Variants in PPM1J observed in about 807,000 individuals in gnomAD.
PPM1J encodes protein phosphatase, Mg2+/Mn2+ dependent 1J.
A neutral mutation model predicts 53.3 loss-of-function variants in PPM1J; 43 were observed. That is an observed-to-expected ratio of 0.81 (90% CI 0.63 to 1.04). PPM1J has a LOEUF of 1.04. Ranked by LOEUF, PPM1J falls within the 50% of genes least tolerant of loss-of-function variation. PPM1J has a pLI of 0.00. For missense variants in PPM1J, 635 were observed against 685.9 expected, an observed-to-expected ratio of 0.93 and a Z score of 0.83; for synonymous variants, 267 against 286.4, an observed-to-expected ratio of 0.93 and a Z score of 0.68.
chr1:112,713,003 A>C lies in PPM1J; in HGVS notation c.470T>G (p.Phe157Cys). 4 of 1,609,374 alleles carry C rather than the reference A, an allele frequency of 2.5e-6. No individual in the cohort carries two copies. The highest frequency in any genetic ancestry group is 3.4e-6 in the Non-Finnish European group (4 of 1,177,300). The change falls in exon 3 of 10, where the codon TTT (phenylalanine) becomes TGT (cysteine). Residue 157 changes from phenylalanine (F) to cysteine (C), a missense_variant. Coordinates refer to ENST00000309276, the MANE Select transcript of PPM1J (RefSeq NM_005167.7). ...QGLCFYYWGL[F>C]DGHAGGGAAE... is the part of the protein sequence containing the mutation. Reference sequence around the variant, plus strand: ...AGCTCCGCCCCCTGCATGCCCATCAAATAGGCCCCAGTAGTAGAAGCAGAG... The same window carrying C: ...AGCTCCGCCCCCTGCATGCCCATCACATAGGCCCCAGTAGTAGAAGCAGAG...
At chr1:112,710,366 A>T in intron 9 of PPM1J, 56 bp from the exon 10 acceptor site, 1 of 1,611,314 alleles carries the variant, frequency 6.2e-7, no homozygotes. Context: ...GAAGACAGAT[A>T]CACAGGCCCA....
chr1:112,711,895 G>A lies in PPM1J; in HGVS notation c.927+76C>T, dbSNP rs930545873. On this transcript the variant is annotated intron_variant, in intron 5 of 9. Transcript: ENST00000309276. ...CTGTGCCTGTGGTGGGGGTGTGAGA[G>A]TTCTCAGGGCCATGGGGTGCAGGGA... 14 of 1,042,704 alleles carry A rather than the reference G, an allele frequency of 1.3e-5. No individual in the cohort carries two copies. In the South Asian group the frequency reaches 1.5e-4, roughly 11 times the overall value. The allele number at this position is 1,042,704 out of a possible 1,614,324, so 64.6% of individuals were successfully genotyped here.
At chr1:112,714,441 C>A in intron 1 of PPM1J, 1 of 986,060 alleles carries the variant, frequency 1.0e-6, no homozygotes. Context: ...CCCGGGCGTC[C>A]CCCTCCCCGC....
chr1:112,711,232 T>C (rs769874944), intron 6 of PPM1J, 34 bp downstream of exon 6: 44 of 1,551,764 alleles, frequency 2.8e-5, no homozygotes, highest in Non-Finnish European at 3.8e-5. Flanking sequence ...TGTGTTGCCA[T>C]GGGAACGGGC....
At chr1:112,713,164 G>A in intron 2 of PPM1J, 133 bp from the exon 3 acceptor site, 1 of 878,032 alleles carries the variant, frequency 1.1e-6, no homozygotes, top group Middle Eastern at 3.5e-4. Context: ...GTTTGCTACT[G>A]AAGGCAAATT....
Position 112,715,049 on chromosome 1 carries a change from C to A in PPM1J, c.253G>T (p.Asp85Tyr). The A allele has an allele frequency of 6.5e-7, 1 of 1,535,538 alleles. No homozygotes were observed. The highest frequency in any genetic ancestry group is 1.2e-5 in the South Asian group (1 of 83,124). The change falls in exon 1 of 10, where the codon GAC becomes TAC. Residue 85 changes from aspartate to tyrosine, a missense_variant. Asp to Tyr is a radical substitution (Grantham distance 160). Transcript: ENST00000309276. The surrounding 1 kb of genome is among the most constrained non-coding windows in gnomAD (Gnocchi z 4.4). ...LSPGGLRRAD[D>Y]HAGRAVQSPP... ...CTTTGCACAGCCCGGCCCGCGTGGT[C>A]ATCGGCGCGTCGCAGCCCCCCGGGG...
Position 112,710,596 on chromosome 1 carries a change from G to A in PPM1J, c.1234C>T (p.Leu412=). The change falls in exon 9 of 10, where the codon CTG becomes TTG. Residue 412 remains leucine (L), a synonymous_variant. Coordinates refer to ENST00000309276, the MANE Select transcript of PPM1J (RefSeq NM_005167.7). The part of the protein sequence containing the change: ...SCFPEVRVYD[L]TQYEHCPDDV... ...TCTGGGCAGTGCTCATATTGTGTCA[G>A]GTCATACACTCGTACCTGGTGGGAG... 1 of 1,614,192 alleles carries A rather than the reference G, an allele frequency of 6.2e-7. No homozygotes were observed. Among genetic ancestry groups the A allele is most frequent in the Non-Finnish European group, 8.5e-7 (1 of 1,180,036 alleles).
rs987493126 is a variant in PPM1J, at chr1:112,710,603, C to T, written c.1227G>A (p.Val409=). The T allele has an allele frequency of 6.2e-6, 10 of 1,614,064 alleles. No homozygotes were observed. The highest frequency in any genetic ancestry group is 4.5e-5 in the East Asian group (2 of 44,892). Residue 409 remains valine, a synonymous_variant, in exon 9 of 10, where the codon GTG becomes GTA. Coordinates refer to ENST00000309276, the MANE Select transcript of PPM1J (RefSeq NM_005167.7). ...PFLSCFPEVR[V]YDLTQYEHCP... is the part of the protein sequence containing the mutation. ...AGTGCTCATATTGTGTCAGGTCATACACTCGTACCTGGTGGGAGAAAAGGG... is the reference window on the plus strand; with the variant it reads ...AGTGCTCATATTGTGTCAGGTCATATACTCGTACCTGGTGGGAGAAAAGGG...
At position 112,715,269 on chromosome 1, in the gene PPM1J, G is replaced by C. The variant is rs1675175326; in HGVS notation, c.33C>G (p.His11Gln). 2 of 1,338,506 alleles carry C rather than the reference G, an allele frequency of 1.5e-6. No individual in the cohort carries two copies. The highest frequency in any genetic ancestry group is 1.5e-5 in the African/African-American group (1 of 64,982). 82.9% of individuals were successfully genotyped at this position (1,338,506 alleles called of 1,614,324 possible). A position where few individuals can be genotyped will look rare whatever the true frequency, so the allele number is the denominator to read the frequency against. The change falls in exon 1 of 10, where the codon CAC becomes CAG. Residue 11 changes from histidine (H) to glutamine (Q), a missense_variant. Transcript: ENST00000309276. The surrounding 1 kb of genome is among the most constrained non-coding windows in gnomAD (Gnocchi z 4.4). Reference sequence around the variant, plus strand: ...GCGGAGCGCCCCCGGAGCTCACCAGGTGCGCCACGGCCGAGCGCACCCGGT... The same window carrying C: ...GCGGAGCGCCCCCGGAGCTCACCAGCTGCGCCACGGCCGAGCGCACCCGGT... Reference protein sequence around the residue: MLNRVRSAVAHLVSSGGAPPP... With the variant: MLNRVRSAVAQLVSSGGAPPP...
At chr1:112,711,163 G>A (rs1360900381) in intron 6 of PPM1J, 92 bp from the exon 7 acceptor site, 1 of 1,470,704 alleles carries the variant, frequency 6.8e-7, no homozygotes, top group Admixed American at 1.7e-5. Context: ...CCTTAGAAGG[G>A]CCACATCCTC....
chr1:112,713,686 C>G (rs1675127880), intron 1 of PPM1J, 75 bp from the exon 2 acceptor site: 2 of 1,191,730 alleles, frequency 1.7e-6, no homozygotes, highest in Non-Finnish European at 2.5e-6. Context: ...TAGACACACA[C>G]CGTCTCCTGC....
At chr1:112,714,575 T>C (rs968641518) in intron 1 of PPM1J, 6 of 1,011,254 alleles carry the variant, frequency 5.9e-6, no homozygotes, top group Non-Finnish European at 7.1e-6. Flanking sequence ...GAGCGAGTCT[T>C]CCCAACCGCT....
At position 112,715,075 on chromosome 1, in the gene PPM1J, C is replaced by A; in HGVS notation, c.227G>T (p.Ser76Ile). Residue 76 changes from serine (S) to isoleucine (I), a missense_variant, in exon 1 of 10, where the codon AGC becomes ATC. Transcript: ENST00000309276. The surrounding 1 kb of genome is among the most constrained non-coding windows in gnomAD (Gnocchi z 4.4). Reference protein sequence around the residue: ...SFSRPTFLQLSPGGLRRADDH... With the variant: ...SFSRPTFLQLIPGGLRRADDH... Reference sequence around the variant, plus strand: ...ATCGGCGCGTCGCAGCCCCCCGGGGCTCAGCTGCAGAAAGGTCGGTCTGGA... The same window carrying A: ...ATCGGCGCGTCGCAGCCCCCCGGGGATCAGCTGCAGAAAGGTCGGTCTGGA... The A allele has an allele frequency of 6.4e-7, 1 of 1,555,638 alleles. No homozygotes were observed.
intron 1 of PPM1J, chr1:112,714,078 G>C (rs1675136372): frequency 9.9e-7 from 1 of 1,012,004 alleles, no homozygotes; most frequent in Non-Finnish European, 1.2e-6. Flanking sequence ...AAACCATCCA[G>C]CGAAAGTTTC....
chr1:112,712,171 C>G, intron 4 of PPM1J, 116 bp from the exon 5 acceptor site: 4 of 986,734 alleles, frequency 4.1e-6, no homozygotes, highest in Non-Finnish European at 6.0e-6. Context: ...ACCCAGACCC[C>G]CATATCTGCC....
At chr1:112,714,094 C>T in intron 1 of PPM1J, 3 of 1,014,160 alleles carry the variant, frequency 3.0e-6, no homozygotes, top group South Asian at 4.0e-5. Context: ...GTTTCTGCTG[C>T]CTTAACAATG....
At chr1:112,713,086 G>GTA in intron 2 of PPM1J, 55 bp from the exon 3 acceptor site, 3 of 1,409,854 alleles carry the variant, frequency 2.1e-6, no homozygotes, top group Non-Finnish European at 2.9e-6. Context: ...GTGTGTGTGT[G>GTA]TGTGTGTGTG....
At chr1:112,714,409 T>C (rs771887847) in intron 1 of PPM1J, 6 of 985,600 alleles carry the variant, frequency 6.1e-6, no homozygotes, top group Non-Finnish European at 7.2e-6. Flanking sequence ...CTGAAGGGCA[T>C]CTAAATGGGA....
intron 4 of PPM1J, 105 bp from the exon 5 acceptor site, chr1:112,712,160 T>C (rs1675078758): frequency 9.5e-7 from 1 of 1,056,708 alleles, no homozygotes; most frequent in Non-Finnish European, 1.4e-6. Flanking sequence ...TCAGATCTCT[T>C]ACCCAGACCC....
Sources: gnomAD v4.1 joint callset for allele counts on GRCh38, gnomAD v4.1.1 for gene constraint, Gnocchi (gnomAD v3.1) non-coding constraint, MANE v1.5 for transcripts, NCBI Gene and HGNC (gene_info 2026-07-23, HGNC 2026-07-21) for gene names.